Variants in SAFB2 observed in about 807,000 individuals in gnomAD.
SAFB2 encodes the protein scaffold attachment factor B2.
In SAFB2, 32 loss-of-function variants were observed where a neutral mutation model predicts 100.6. The ratio of observed to expected loss-of-function variants is 0.32; its 90% CI spans 0.24 to 0.43. SAFB2 has a LOEUF of 0.43. Ranked by LOEUF, SAFB2 falls within the 20% of genes least tolerant of loss-of-function variation. The pLI is 1.00. For missense variants in SAFB2, 1,185 were observed against 1,163.4 expected, an observed-to-expected ratio of 1.02 and a Z score of -0.27; for synonymous variants, 500 against 439.4, an observed-to-expected ratio of 1.14 and a Z score of -1.72.
chr19:5,589,452 A>G (rs886496306), intron 18 of SAFB2, among the ~76,000 whole-genome samples: 2 of 151,978 alleles, frequency 1.3e-5, no homozygotes, highest in Non-Finnish European at 2.9e-5. Flanking sequence ...GGGGGAGCAC[A>G]GGGGGCCAAA....
At chr19:5,612,653 C>G in intron 5 of SAFB2, 86 bp from the exon 6 acceptor site, 1 of 1,046,586 alleles carries the variant, frequency 9.6e-7, no homozygotes, top group Non-Finnish European at 1.5e-6. Flanking sequence ...TTTCAATCAT[C>G]TGTGAATAAA....
chr19:5,588,681 A>G (rs996098849), intron 18 of SAFB2, among the ~76,000 whole-genome samples: 7 of 152,134 alleles, frequency 4.6e-5, no homozygotes, highest in Non-Finnish European at 7.4e-5. Flanking sequence ...CGGCAAATCC[A>G]GAGCCAGAAA....
At chr19:5,613,706 C>T in intron 4 of SAFB2, 179 bp from the exon 5 acceptor site, 1 of 985,482 alleles carries the variant, frequency 1.0e-6, no homozygotes, top group Non-Finnish European at 1.2e-6. Flanking sequence ...CACTCCACGA[C>T]TCTGCTCCAC....
In SAFB2 at chr19:5,606,147, C is replaced by T. The variant is rs2052769934; in HGVS notation, c.1297-1211G>A. 2.6e-5 allele frequency among the ~76,000 whole-genome samples: 4 copies of T among 152,218 alleles called. No individual in the cohort carries two copies. In the South Asian group the frequency reaches 8.3e-4, roughly 31 times the overall value. ...GGCTGGTAATTCACGGGCCATCAGA[C>T]CCACTACTCAGAGGGCACTGCCCAG... On this transcript the variant is annotated intron_variant, in intron 9 of 20. Transcript: ENST00000252542.
intron 11 of SAFB2, among the ~76,000 whole-genome samples, chr19:5,601,205 A>G (rs1271830284): frequency 6.6e-6 from 1 of 152,204 alleles, no homozygotes; most frequent in African/African-American, 2.4e-5. Flanking sequence ...CATAGTAATT[A>G]ATGGTACATC....
At chr19:5,606,897 A>G (rs2052786394) in intron 9 of SAFB2, among the ~76,000 whole-genome samples, 1 of 152,238 alleles carries the variant, frequency 6.6e-6, no homozygotes, top group South Asian at 2.1e-4. Context: ...TTGGATATAC[A>G]ACAAAAAGCA....
In SAFB2 at chr19:5,590,362, T is replaced by C. The variant is rs2052367974; in HGVS notation, c.2441A>G (p.His814Arg). ...RHGHGGPPER[H>R]GRDSRDGWGG... ...CCAGCCATCACGGGAGTCCCGGCCG[T>C]GGCGCTCTGGGGGTCCTCCGTGGCC... Residue 814 changes from histidine (H) to arginine (R), a missense_variant, in exon 18 of 21, where the codon CAC (histidine) becomes CGC (arginine). Physicochemically the swap from His to Arg is conservative, Grantham distance 29. Coordinates refer to ENST00000252542, the MANE Select transcript of SAFB2 (RefSeq NM_014649.3). The C allele has an allele frequency of 4.3e-6, 7 of 1,611,930 alleles. No homozygotes were observed. The highest frequency in any genetic ancestry group is 1.1e-5 in the South Asian group (1 of 90,536).
chr19:5,603,271 T>A (rs1218854578), intron 11 of SAFB2, among the ~76,000 whole-genome samples: 1 of 152,190 alleles, frequency 6.6e-6, no homozygotes, highest in Non-Finnish European at 1.5e-5. Context: ...AGTAAAATGT[T>A]TTTTAAAAAT....
rs1263005006 is a variant in SAFB2 at position 5,600,266 on chromosome 19, T to C, written c.1560-6A>G. 1 of 1,611,092 alleles carries C rather than the reference T, an allele frequency of 6.2e-7. No individual in the cohort carries two copies. The highest frequency in any genetic ancestry group is 1.1e-5 in the South Asian group (1 of 90,430). ...CTTCCTTCTTAATTACAGTTCTATT[T>C]AAAGACATGGTTATCAAATTTGAGT... On this transcript the variant is annotated splice_polypyrimidine_tract_variant and splice_region_variant and intron_variant, in intron 11 of 20. Coordinates refer to ENST00000252542, the MANE Select transcript of SAFB2 (RefSeq NM_014649.3).
At chr19:5,615,008 C>T (rs987401542) in intron 4 of SAFB2, among the ~76,000 whole-genome samples, 6 of 151,780 alleles carry the variant, frequency 4.0e-5, no homozygotes, top group Non-Finnish European at 7.4e-5. Flanking sequence ...GTCAGGAGTT[C>T]GAGACCAGCT....
chr19:5,597,784 G>A (rs1051851558), intron 13 of SAFB2, among the ~76,000 whole-genome samples: 2 of 152,118 alleles, frequency 1.3e-5, no homozygotes, highest in African/African-American at 4.8e-5. Context: ...ATTTTCATGT[G>A]AAAAATGACA....
At position 5,610,669 on chromosome 19, in the gene SAFB2, C is replaced by A; in HGVS notation, c.1165G>T (p.Asp389Tyr). 6.4e-7 allele frequency: 1 copy of A among 1,566,970 alleles called. No individual in the cohort carries two copies. The highest frequency in any genetic ancestry group is 2.2e-5 in the East Asian group (1 of 44,466). ...QKMSSFKEEK[D>Y]IKPIIKDEKG... ...TCATCTTTAATGATTGGCTTTATAT[C>A]TTTTTCTTCCTTAAAAGAGCTAGAG... is the stretch of plus-strand genomic sequence containing the variant. Residue 389 changes from aspartate (D) to tyrosine (Y), a missense_variant, in exon 8 of 21, where the codon GAT (aspartate) becomes TAT (tyrosine). Physicochemically the swap from Asp to Tyr is radical, Grantham distance 160. Transcript: ENST00000252542.
In SAFB2 at chr19:5,594,057, G is replaced by T. The variant is rs1045575184; in HGVS notation, c.2041C>A (p.Arg681Ser). ...ECQRQRLERE[R>S]MERERLERER... ...CGCTCCAGCCGCTCCCGCTCCATGCGCTCCCGCTCCAGCCGCTGGCGCTGG... is the reference window on the plus strand; with the variant it reads ...CGCTCCAGCCGCTCCCGCTCCATGCTCTCCCGCTCCAGCCGCTGGCGCTGG... The change falls in exon 15 of 21, where the codon CGC becomes AGC. Residue 681 changes from arginine to serine, a missense_variant. Coordinates refer to ENST00000252542, the MANE Select transcript of SAFB2 (RefSeq NM_014649.3). 3 of 1,587,186 alleles carry T rather than the reference G, an allele frequency of 1.9e-6. No homozygotes were observed. The highest frequency in any genetic ancestry group is 1.7e-6 in the Non-Finnish European group (2 of 1,172,536).
intron 16 of SAFB2, 151 bp from the exon 17 acceptor site, chr19:5,591,944 C>A (rs571197529): frequency 4.1e-6 from 3 of 728,974 alleles, no homozygotes; most frequent in East Asian, 2.7e-5. Context: ...TAGCTCAAAT[C>A]GAAAGGCTTT....
rs2052369622 is a variant in SAFB2 at position 5,590,404 on chromosome 19, T to C, written c.2399A>G (p.Tyr800Cys). 6.2e-7 allele frequency: 1 copy of C among 1,609,124 alleles called. No homozygotes were observed. The highest frequency in any genetic ancestry group is 8.5e-7 in the Non-Finnish European group (1 of 1,177,828). Reference protein sequence around the residue: ...MMGDHRDGQHYGDDRHGHGGP... With the variant: ...MMGDHRDGQHCGDDRHGHGGP... The stretch of plus-strand genomic sequence containing the variant: ...TCCGTGGCCATGGCGGTCATCTCCA[T>C]AGTGCTGGAAGGCAGGAGAGGAACA... Residue 800 changes from tyrosine (Y) to cysteine (C), a missense_variant, in exon 18 of 21, where the codon TAT (tyrosine) becomes TGT (cysteine). Tyr to Cys is a radical substitution (Grantham distance 194). Transcript: ENST00000252542.
intron 4 of SAFB2, among the ~76,000 whole-genome samples, chr19:5,614,141 A>T (rs2052972418): frequency 6.6e-6 from 1 of 152,272 alleles, no homozygotes; most frequent in South Asian, 2.1e-4. Context: ...GTTTTAGTAG[A>T]GACGGGGTTT....
chr19:5,622,422 G>A, intron 1 of SAFB2, 108 bp downstream of exon 1: 7 of 1,207,044 alleles, frequency 5.8e-6, no homozygotes, highest in Non-Finnish European at 7.7e-6. Context: ...GGTCGGCCAA[G>A]ACGCGGGGCG....
rs758747767 is a variant in SAFB2 at position 5,592,778 on chromosome 19, G to A, written c.2317C>T (p.Arg773Trp). 1.4e-5 allele frequency: 22 copies of A among 1,614,042 alleles called. No individual in the cohort carries two copies. The highest frequency in any genetic ancestry group is 1.6e-4 in the Middle Eastern group (1 of 6,078). The change falls in exon 16 of 21, where the codon CGG becomes TGG. Residue 773 changes from arginine to tryptophan, a missense_variant. By Grantham distance (101) the Arg-to-Trp change is moderately radical (BLOSUM62 -3). Transcript: ENST00000252542. ...ATGGCGTGGTCCTGGTACTGGCCCC[G>A]GTCTCGATGATCGAAGTCGTGAAAG... Reference protein sequence around the residue: ...HRFHDFDHRDRGQYQDHAIDR... With the variant: ...HRFHDFDHRDWGQYQDHAIDR...
intron 2 of SAFB2, among the ~76,000 whole-genome samples, chr19:5,619,769 C>T (rs921110418): frequency 1.7e-4 from 25 of 151,398 alleles, no homozygotes; most frequent in South Asian, 8.3e-4. Flanking sequence ...CACTTGAACC[C>T]GGGAGGCGGA....
Sources: allele counts gnomAD v4.1 joint callset (sites outside exome capture counted in the v4.1 genomes callset), GRCh38; gene constraint gnomAD v4.1.1; transcripts MANE v1.5; gene names NCBI Gene and HGNC (gene_info 2026-07-23, HGNC 2026-07-21).